CLSTN1: variants seen among roughly 807,000 people sequenced by gnomAD.
The protein encoded by CLSTN1 is calsyntenin-1.
In CLSTN1, 28 loss-of-function variants were observed where a neutral mutation model predicts 108.3. The ratio of observed to expected loss-of-function variants is 0.26; its 90% CI spans 0.19 to 0.35. CLSTN1 has a LOEUF of 0.35. Among genes scored for constraint, CLSTN1 ranks in the 10% least tolerant of loss-of-function variants. The probability of loss-of-function intolerance (pLI) is 1.00; values close to 1 mark genes in which losing one functional copy is unlikely to be tolerated. For synonymous variants in CLSTN1, 524 were observed against 534.9 expected, an observed-to-expected ratio of 0.98 and a Z score of 0.28; for missense variants, 1,157 against 1,302.6, an observed-to-expected ratio of 0.89 and a Z score of 1.72.
intron 1 of CLSTN1, among the ~76,000 whole-genome samples, chr1:9,808,113 G>T (rs939586175): frequency 6.6e-5 from 10 of 152,154 alleles, no homozygotes; most frequent in African/African-American, 2.4e-4. Flanking sequence ...GTTCCAGGAC[G>T]CCAGTCTACA....
intron 9 of CLSTN1, among the ~76,000 whole-genome samples, chr1:9,742,154 T>C (rs1334170206): frequency 6.6e-6 from 1 of 152,212 alleles, no homozygotes; most frequent in South Asian, 2.1e-4. Flanking sequence ...AAAACATTTA[T>C]GAGGCTACTT....
chr1:9,770,016 T>C (rs375287994), intron 2 of CLSTN1, among the ~76,000 whole-genome samples: 1,338 of 121,216 alleles, frequency 0.011, 15 homozygotes, highest in East Asian at 0.049. Flanking sequence ...GGCGACAGAG[T>C]GAGACTCCGT....
At chr1:9,807,795 T>C (rs1417796190) in intron 1 of CLSTN1, among the ~76,000 whole-genome samples, 1 of 152,244 alleles carries the variant, frequency 6.6e-6, no homozygotes, top group East Asian at 1.9e-4. Context: ...CCCTCCTCCC[T>C]GGGCTTCCTG....
Position 9,795,021 on chromosome 1 carries a change from G to GA in CLSTN1, c.92-21628dup, listed in dbSNP as rs59646404. ...CTAATAAATCCATGAAGGCTAATCAGAAAAAAAAAAAAGAAAAAAAATCAA... is the reference window on the plus strand; with the variant it reads ...CTAATAAATCCATGAAGGCTAATCAGAAAAAAAAAAAAAGAAAAAAAATCAA... On this transcript the variant is annotated intron_variant, in intron 1 of 18. Coordinates refer to ENST00000377298, the MANE Select transcript of CLSTN1 (RefSeq NM_001009566.3). Among the ~76,000 whole-genome samples, 58 of 127,674 alleles carry GA rather than the reference G, an allele frequency of 4.5e-4. 2 individuals carry two copies. The highest frequency in any genetic ancestry group is 2.3e-3 in the South Asian group (9 of 3,902). The allele number at this position is 127,674 out of a possible 152,430, so 83.8% of individuals were successfully genotyped here.
intron 1 of CLSTN1, among the ~76,000 whole-genome samples, chr1:9,785,586 T>TC (rs1653448876): frequency 6.6e-6 from 1 of 151,964 alleles, no homozygotes; most frequent in African/African-American, 2.4e-5. Context: ...CCACTGGATG[T>TC]CCGCGGCCTC....
chr1:9,790,548 G>A (rs1653717652), intron 1 of CLSTN1, among the ~76,000 whole-genome samples: 1 of 151,346 alleles, frequency 6.6e-6, no homozygotes, highest in Non-Finnish European at 1.5e-5. Flanking sequence ...CTTTTTAAAT[G>A]TTTTGTTGAG....
chr1:9,808,138 T>C (rs186927404), intron 1 of CLSTN1, among the ~76,000 whole-genome samples: 56 of 152,332 alleles, frequency 3.7e-4, no homozygotes, highest in African/African-American at 1.2e-3. Context: ...AATCCACACA[T>C]ACTCAAGTTG....
intron 1 of CLSTN1, among the ~76,000 whole-genome samples, chr1:9,790,353 A>G (rs935569245): frequency 2.0e-5 from 3 of 151,448 alleles, no homozygotes; most frequent in Non-Finnish European, 4.4e-5. Flanking sequence ...GAATGAATGA[A>G]TAGCATCTTC....
chr1:9,773,119 A>T (rs1174494516), intron 2 of CLSTN1, among the ~76,000 whole-genome samples, 153 bp downstream of exon 2: 2 of 152,202 alleles, frequency 1.3e-5, no homozygotes, highest in Non-Finnish European at 2.9e-5. Context: ...CCAACTATTA[A>T]AAGGAAAAAA....
At chr1:9,757,404 G>A (rs572018728) in intron 2 of CLSTN1, among the ~76,000 whole-genome samples, 1 of 151,408 alleles carries the variant, frequency 6.6e-6, no homozygotes, top group African/African-American at 2.4e-5. Flanking sequence ...ACCACGCCCA[G>A]TTAATTTTTT....
At chr1:9,814,541 A>T (rs998992105) in intron 1 of CLSTN1, among the ~76,000 whole-genome samples, 6 of 152,274 alleles carry the variant, frequency 3.9e-5, no homozygotes, top group African/African-American at 1.4e-4. Flanking sequence ...AAATAAAATC[A>T]AAGGACTAGA....
intron 1 of CLSTN1, among the ~76,000 whole-genome samples, chr1:9,788,887 A>C (rs996929601): frequency 4.2e-4 from 63 of 150,626 alleles, no homozygotes; most frequent in Non-Finnish European, 6.9e-4. Context: ...AAAAAAAAAA[A>C]ACAAAAGGAA....
Position 9,735,115 on chromosome 1 carries a change from A to C in CLSTN1, c.1943T>G (p.Leu648Ter). ...VPPVDGYVMV[L>*]QPEEPKISLS... ...GCTGATCTTGGGCTCCTCGGGCTGTAAAACCATCACGTAGCCATCTACCGG... is the reference window on the plus strand; with the variant it reads ...GCTGATCTTGGGCTCCTCGGGCTGTCAAACCATCACGTAGCCATCTACCGG... Residue 648 changes from leucine to a stop codon, truncating the protein, a stop_gained, in exon 14 of 19, where the codon TTA becomes TGA. Coordinates refer to ENST00000377298, the MANE Select transcript of CLSTN1 (RefSeq NM_001009566.3). LOFTEE classifies it high-confidence loss of function. The C allele has an allele frequency of 6.2e-7, 1 of 1,614,240 alleles. No individual in the cohort carries two copies. The highest frequency in any genetic ancestry group is 8.5e-7 in the Non-Finnish European group (1 of 1,180,044).
At chr1:9,744,055 G>T in intron 8 of CLSTN1, 50 bp from the exon 9 acceptor site, 7 of 1,599,860 alleles carry the variant, frequency 4.4e-6, no homozygotes, top group Non-Finnish European at 6.0e-6. Flanking sequence ...ATCCAAAGGA[G>T]AAATTAAAGC....
rs1419317774 is a variant in CLSTN1 at position 9,734,181 on chromosome 1, A to C, written c.2111-39T>G. 4 of 1,606,002 alleles carry C rather than the reference A, an allele frequency of 2.5e-6. No individual in the cohort carries two copies. The highest frequency in any genetic ancestry group is 2.2e-5 in the East Asian group (1 of 44,814). On this transcript the variant is annotated intron_variant, in intron 14 of 18. Coordinates refer to ENST00000377298, the MANE Select transcript of CLSTN1 (RefSeq NM_001009566.3). The surrounding 1 kb of genome is among the most constrained non-coding windows in gnomAD (Gnocchi z 4.8). ...CCAACCAGAAATATTAAGTAGGGGCAGTGGGGCCCAGCGTGGCGGGGCACA... is the reference window on the plus strand; with the variant it reads ...CCAACCAGAAATATTAAGTAGGGGCCGTGGGGCCCAGCGTGGCGGGGCACA...
chr1:9,823,488 T>G lies in CLSTN1; in HGVS notation c.91+155A>C, dbSNP rs1655272532. On this transcript the variant is annotated intron_variant, in intron 1 of 18. Transcript: ENST00000377298. The surrounding 1 kb of genome is among the most constrained non-coding windows in gnomAD (Gnocchi z 6.3). ...AACCCCACGCCCTGACCCGGCTCCC[T>G]GCGCTCGGACCCGACTCCCCGCATC... Among the ~76,000 whole-genome samples the G allele has an allele frequency of 6.6e-6, 1 of 151,752 alleles. No individual in the cohort carries two copies. Among genetic ancestry groups the G allele is most frequent in the South Asian group, 2.1e-4 (1 of 4,794 alleles).
chr1:9,790,160 G>T (rs572238269), intron 1 of CLSTN1, among the ~76,000 whole-genome samples: 1 of 151,206 alleles, frequency 6.6e-6, no homozygotes, highest in East Asian at 2.0e-4. Context: ...GTTTCACTCC[G>T]AATTCCGCTA....
intron 1 of CLSTN1, among the ~76,000 whole-genome samples, chr1:9,817,301 G>GTAT (rs1471286136): frequency 3.3e-5 from 5 of 152,090 alleles, no homozygotes; most frequent in African/African-American, 1.2e-4. Flanking sequence ...TTCTTATTGG[G>GTAT]GTTCCGGAAT....
chr1:9,800,888 G>A (rs1002759087), intron 1 of CLSTN1, among the ~76,000 whole-genome samples: 4 of 151,830 alleles, frequency 2.6e-5, no homozygotes, highest in African/African-American at 4.8e-5. Flanking sequence ...GCAGTGAGCC[G>A]AGATTGCACC....
Sources: gnomAD v4.1 joint callset for allele counts (sites outside exome capture counted in the v4.1 genomes callset) on GRCh38, gnomAD v4.1.1 for gene constraint, Gnocchi (gnomAD v3.1) non-coding constraint, MANE v1.5 for transcripts, NCBI Gene and HGNC (gene_info 2026-07-23, HGNC 2026-07-21) for gene names.